Variants in VEGFC observed in about 807,000 individuals in gnomAD.
VEGFC encodes the protein FLT4 ligand DHM.
In VEGFC, 12 loss-of-function variants were observed where a neutral mutation model predicts 46.1. The ratio of observed to expected loss-of-function variants is 0.26; its 90% CI spans 0.17 to 0.42. The LOEUF is 0.42. VEGFC is among the 10% of genes least tolerant of loss of function. The probability of loss-of-function intolerance (pLI) is 1.00; values close to 1 mark genes in which losing one functional copy is unlikely to be tolerated. For missense variants in VEGFC, 488 were observed against 529.4 expected, an observed-to-expected ratio of 0.92 and a Z score of 0.77; for synonymous variants, 232 against 195.5, an observed-to-expected ratio of 1.19 and a Z score of -1.56.
chr4:176,739,062 T>C (rs952515136), intron 1 of VEGFC, among the ~76,000 whole-genome samples: 11 of 151,654 alleles, frequency 7.3e-5, no homozygotes, highest in African/African-American at 2.7e-4. Flanking sequence ...AAGCTCAATA[T>C]CACTGATCAT....
intron 3 of VEGFC, among the ~76,000 whole-genome samples, chr4:176,716,788 A>G (rs1361517624): frequency 6.6e-6 from 1 of 152,026 alleles, no homozygotes; most frequent in African/African-American, 2.4e-5. Context: ...AGTAACTAGA[A>G]TTTCCTCTCA....
chr4:176,750,331 A>G (rs1490137476), intron 1 of VEGFC, among the ~76,000 whole-genome samples: 6 of 151,792 alleles, frequency 4.0e-5, no homozygotes, highest in African/African-American at 1.4e-4. Context: ...GATTTTTATA[A>G]AACTACATGA....
chr4:176,763,374 C>T (rs572971641), intron 1 of VEGFC, among the ~76,000 whole-genome samples: 2 of 121,526 alleles, frequency 1.6e-5, no homozygotes, highest in Admixed American at 8.5e-5. Flanking sequence ...CTATAGTTAA[C>T]ATGAATGAAT....
At chr4:176,741,061 A>G (rs1400225021) in intron 1 of VEGFC, among the ~76,000 whole-genome samples, 1 of 151,896 alleles carries the variant, frequency 6.6e-6, no homozygotes, top group African/African-American at 2.4e-5. Context: ...TTAATTGTTC[A>G]TTGTCCAATA....
At chr4:176,722,086 A>G (rs1734795989) in intron 3 of VEGFC, among the ~76,000 whole-genome samples, 1 of 152,174 alleles carries the variant, frequency 6.6e-6, no homozygotes, top group African/African-American at 2.4e-5. Flanking sequence ...ATCAGAATGT[A>G]TAAATATTGT....
chr4:176,767,655 C>A (rs943475178), intron 1 of VEGFC, among the ~76,000 whole-genome samples: 1 of 152,192 alleles, frequency 6.6e-6, no homozygotes, highest in African/African-American at 2.4e-5. Flanking sequence ...TCGTTAAACT[C>A]TTTTAATTGA....
rs1047465784 is a variant in VEGFC, at chr4:176,792,384, G to A, written c.-73C>T. ...GTGGGGGCGCGGGCGCCCCTGCGAG[G>A]CCGCGGGCCCCTCCTGGTCCCTCTC... On this transcript the variant is annotated 5_prime_UTR_variant, in exon 1 of 7. Coordinates refer to ENST00000618562, the MANE Select transcript of VEGFC (RefSeq NM_005429.5). This position sits in a 1 kb window ranked among gnomAD's most constrained non-coding sequence, Gnocchi z 6.3. 4.1e-5 allele frequency: 50 copies of A among 1,231,188 alleles called. No individual in the cohort carries two copies. Among genetic ancestry groups the A allele is most frequent in the South Asian group, 3.6e-5 (2 of 55,198 alleles). The allele number at this position is 1,231,188 out of a possible 1,614,324, so 76.3% of individuals were successfully genotyped here.
chr4:176,695,764 C>A (rs1282837993), intron 4 of VEGFC, among the ~76,000 whole-genome samples: 1 of 152,000 alleles, frequency 6.6e-6, no homozygotes, highest in Non-Finnish European at 1.5e-5. Context: ...AGCAGCACAT[C>A]AAAAAGCTTA....
rs375054343 is a variant in VEGFC at position 176,792,228 on chromosome 4, G to A, written c.84C>T (p.Ala28=). 16 of 1,557,540 alleles carry A rather than the reference G, an allele frequency of 1.0e-5. No individual in the cohort carries two copies. The African/African-American group carries it at 2.3e-4, about 22-fold the overall frequency. ...CGAGTCCGGACTCGAAGGCGGCGGC[G>A]GCGGCGGGCGCCTCGCGAGGACCCG... ...LLPGPREAPA[A]AAAFESGLDL... The change falls in exon 1 of 7, where the codon GCC becomes GCT. Residue 28 remains alanine (A), a synonymous_variant. Coordinates refer to ENST00000618562, the MANE Select transcript of VEGFC (RefSeq NM_005429.5). This position sits in a 1 kb window ranked among gnomAD's most constrained non-coding sequence, Gnocchi z 6.3.
chr4:176,769,875 G>T (rs1735693715), intron 1 of VEGFC, among the ~76,000 whole-genome samples: 1 of 152,076 alleles, frequency 6.6e-6, no homozygotes, highest in African/African-American at 2.4e-5. Flanking sequence ...AACCTACCCT[G>T]TACTCTCCAG....
intron 3 of VEGFC, among the ~76,000 whole-genome samples, chr4:176,725,921 T>C (rs1266337506): frequency 6.6e-6 from 1 of 152,102 alleles, no homozygotes. Context: ...TTCTATTTAA[T>C]TTATTTTAAA....
intron 1 of VEGFC, among the ~76,000 whole-genome samples, chr4:176,759,497 G>A (rs1269012075): frequency 1.3e-5 from 2 of 152,074 alleles, no homozygotes; most frequent in East Asian, 1.9e-4. Flanking sequence ...GAGATGTTGT[G>A]TACAGGGTAC....
At chr4:176,787,288 C>A (rs1400614820) in intron 1 of VEGFC, among the ~76,000 whole-genome samples, 1 of 151,826 alleles carries the variant, frequency 6.6e-6, no homozygotes, top group Non-Finnish European at 1.5e-5. Context: ...AAAACCCTCT[C>A]TCTATGAAAA....
chr4:176,713,331 A>G (rs1376281471), intron 3 of VEGFC, among the ~76,000 whole-genome samples: 1 of 152,190 alleles, frequency 6.6e-6, no homozygotes, highest in Admixed American at 6.5e-5. Context: ...TGCACTATAT[A>G]TACCTATTTT....
intron 4 of VEGFC, among the ~76,000 whole-genome samples, chr4:176,693,776 C>G (rs1734255177): frequency 7.2e-6 from 1 of 139,458 alleles, no homozygotes; most frequent in Non-Finnish European, 1.5e-5. Context: ...AACAGAGGAT[C>G]TCTCGGCAGA....
chr4:176,707,391 T>C (rs1204516183), intron 4 of VEGFC, among the ~76,000 whole-genome samples: 1 of 152,192 alleles, frequency 6.6e-6, no homozygotes, highest in Non-Finnish European at 1.5e-5. Flanking sequence ...TAACAAATGT[T>C]AGAATTTTAT....
intron 4 of VEGFC, among the ~76,000 whole-genome samples, chr4:176,704,247 A>C (rs565989151): frequency 1.4e-3 from 220 of 152,142 alleles, no homozygotes; most frequent in African/African-American, 5.1e-3. Context: ...CTGTTTCTTA[A>C]ATATTGATTT....
intron 1 of VEGFC, among the ~76,000 whole-genome samples, chr4:176,744,286 T>C (rs564340302): frequency 2.6e-5 from 4 of 151,996 alleles, no homozygotes; most frequent in African/African-American, 9.6e-5. Flanking sequence ...TACTAAGCTA[T>C]GAGTAAGAAT....
chr4:176,744,905 T>C (rs1430692088), intron 1 of VEGFC, among the ~76,000 whole-genome samples: 1 of 152,090 alleles, frequency 6.6e-6, no homozygotes, highest in Non-Finnish European at 1.5e-5. Context: ...ACTTACACCA[T>C]ATTACATTAT....
Sources: allele counts gnomAD v4.1 joint callset (sites outside exome capture counted in the v4.1 genomes callset), GRCh38; gene constraint gnomAD v4.1.1; non-coding constraint Gnocchi (gnomAD v3.1); transcripts MANE v1.5; gene names NCBI Gene and HGNC (gene_info 2026-07-23, HGNC 2026-07-21).